SEMA3A: variants seen among roughly 807,000 people sequenced by gnomAD.
The protein encoded by SEMA3A is semaphorin 3A, also known as semaphorin-3A.
SEMA3A carries 29 observed loss-of-function variants against 97.9 expected under a neutral mutation model. The ratio of observed to expected loss-of-function variants is 0.30; its 90% CI spans 0.22 to 0.40. SEMA3A has a LOEUF of 0.40. Ranked by LOEUF, SEMA3A falls within the 10% of genes least tolerant of loss-of-function variation. The pLI, the probability that SEMA3A is intolerant of heterozygous loss-of-function variation, is 1.00. For synonymous variants in SEMA3A, 321 were observed against 323.7 expected (o/e 0.99, Z 0.09); for missense variants, 763 against 951.3 (o/e 0.80, Z 2.60).
chr7:84,356,616 T>C (rs903612425), intron 2 of SEMA3A, among the ~76,000 whole-genome samples: 8 of 151,854 alleles, frequency 5.3e-5, no homozygotes, highest in Non-Finnish European at 8.8e-5. Context: ...AGCTTTACAA[T>C]ATGCATTTTA....
chr7:84,325,415 C>T (rs777045822), intron 2 of SEMA3A, among the ~76,000 whole-genome samples: 4 of 152,020 alleles, frequency 2.6e-5, no homozygotes, highest in Non-Finnish European at 4.4e-5. Flanking sequence ...GGAAAGGTCA[C>T]ATTTGAACAA....
chr7:84,047,878 C>G (rs531937369), intron 5 of SEMA3A, among the ~76,000 whole-genome samples: 1 of 151,598 alleles, frequency 6.6e-6, no homozygotes, highest in African/African-American at 2.4e-5. Context: ...TCATAGTGGC[C>G]CACACCAAAG....
chr7:84,373,374 C>T (rs1196402734), intron 1 of SEMA3A, among the ~76,000 whole-genome samples: 2 of 152,162 alleles, frequency 1.3e-5, no homozygotes, highest in Non-Finnish European at 2.9e-5. Context: ...GTTACATGGA[C>T]ATATTTTCAA....
rs1207923883 is a variant in SEMA3A, at chr7:84,121,860, C to T, written c.333+7263G>A. 4.2e-5 allele frequency among the ~76,000 whole-genome samples: 2 copies of T among 47,440 alleles called. 1 individual carries two copies. Among genetic ancestry groups the T allele is most frequent in the African/African-American group, 1.6e-4 (2 of 12,496 alleles). 31.1% of individuals were successfully genotyped at this position (47,440 alleles called of 152,430 possible). The stretch of plus-strand genomic sequence containing the variant: ...TTCACCGTTTTAGCCGGGATGGTCT[C>T]GATCTCTTGACCTCGTGATCCGCCC... On this transcript the variant is annotated intron_variant, in intron 3 of 16. Coordinates refer to ENST00000265362, the MANE Select transcript of SEMA3A (RefSeq NM_006080.3).
intron 3 of SEMA3A, among the ~76,000 whole-genome samples, chr7:84,294,807 C>T (rs541442621): frequency 1.4e-4 from 22 of 152,120 alleles, no homozygotes; most frequent in African/African-American, 4.6e-4. Flanking sequence ...CTCATATATA[C>T]GTGTCCCCCC....
intron 3 of SEMA3A, among the ~76,000 whole-genome samples, chr7:84,288,457 G>A (rs1006833428): frequency 1.3e-5 from 2 of 152,046 alleles, no homozygotes; most frequent in African/African-American, 4.8e-5. Flanking sequence ...AGACCATTTG[G>A]GGGGCCAAGG....
intron 1 of SEMA3A, among the ~76,000 whole-genome samples, chr7:84,375,176 C>A (rs1437400113): frequency 6.6e-6 from 1 of 152,082 alleles, no homozygotes; most frequent in Non-Finnish European, 1.5e-5. Context: ...CCCGCCAACA[C>A]ATCCAGCTGA....
At chr7:84,479,258 A>C (rs1217982715) in intron 1 of SEMA3A, among the ~76,000 whole-genome samples, 1 of 152,154 alleles carries the variant, frequency 6.6e-6, no homozygotes, top group African/African-American at 2.4e-5. Context: ...TAAGTGCTTA[A>C]GGTTAAGTGC....
intron 2 of SEMA3A, among the ~76,000 whole-genome samples, chr7:84,343,071 C>A (rs906763311): frequency 2.6e-5 from 4 of 152,140 alleles, no homozygotes; most frequent in Non-Finnish European, 4.4e-5. Context: ...ACTACTGTTA[C>A]CACTAACATT....
intron 1 of SEMA3A, among the ~76,000 whole-genome samples, chr7:84,175,756 T>C (rs529631554): frequency 1.3e-5 from 2 of 152,118 alleles, no homozygotes; most frequent in South Asian, 4.1e-4. Context: ...CTGTCTGTTA[T>C]CACATCCATT....
At chr7:84,311,565 A>G (rs1801320034) in intron 2 of SEMA3A, among the ~76,000 whole-genome samples, 1 of 152,000 alleles carries the variant, frequency 6.6e-6, no homozygotes, top group African/African-American at 2.4e-5. Flanking sequence ...GATGAATGGT[A>G]AAGATTTATA....
At chr7:84,142,548 C>G (rs1354635319) in intron 1 of SEMA3A, among the ~76,000 whole-genome samples, 1 of 152,102 alleles carries the variant, frequency 6.6e-6, no homozygotes, top group Non-Finnish European at 1.5e-5. Context: ...TCCGTAAACA[C>G]TTCTAAGGAG....
chr7:84,134,582 G>A (rs1796065118), intron 2 of SEMA3A, among the ~76,000 whole-genome samples: 1 of 152,134 alleles, frequency 6.6e-6, no homozygotes, highest in African/African-American at 2.4e-5. Flanking sequence ...TTCTTATAAT[G>A]ATTACTGCAA....
chr7:84,091,056 C>A (rs905122668), intron 4 of SEMA3A, among the ~76,000 whole-genome samples: 2 of 143,268 alleles, frequency 1.4e-5, no homozygotes, highest in Admixed American at 7.6e-5. Context: ...GCCTGGGGAA[C>A]AGAGTGAGAC....
At chr7:84,043,613 A>G (rs1792229135) in intron 6 of SEMA3A, among the ~76,000 whole-genome samples, 1 of 152,120 alleles carries the variant, frequency 6.6e-6, no homozygotes, top group African/African-American at 2.4e-5. Flanking sequence ...TTATGCATGA[A>G]TGTGTAAACA....
chr7:84,062,524 C>G (rs1002537575), intron 4 of SEMA3A, among the ~76,000 whole-genome samples: 4 of 152,144 alleles, frequency 2.6e-5, no homozygotes, highest in African/African-American at 4.8e-5. Flanking sequence ...CACCTCACTA[C>G]GGAGTGCGAG....
rs16887718 is a variant in SEMA3A, at chr7:84,466,622, G to A, written c.-246+25838C>T. 0.014 allele frequency among the ~76,000 whole-genome samples: 2,123 copies of A among 152,238 alleles called. 95 individuals are homozygous for A. In the East Asian group the frequency reaches 0.16, roughly 11 times the overall value. On this transcript the variant is annotated intron_variant, in intron 1 of 3. Transcript: ENST00000424555. ...AAGCCAAAAACACAGCCTCAATTTC[G>A]TATTAGCATATAAATCTCCATCCAA... is the stretch of plus-strand genomic sequence containing the variant.
At chr7:84,042,607 T>C (rs1792175627) in intron 6 of SEMA3A, among the ~76,000 whole-genome samples, 1 of 152,038 alleles carries the variant, frequency 6.6e-6, no homozygotes, top group African/African-American at 2.4e-5. Context: ...TTGCTCAGTG[T>C]TTTTTATACA....
At chr7:84,204,298 T>C (rs1460436515) in intron 3 of SEMA3A, among the ~76,000 whole-genome samples, 1 of 152,178 alleles carries the variant, frequency 6.6e-6, no homozygotes, top group Non-Finnish European at 1.5e-5. Context: ...TTTGTAGCAA[T>C]ATAATATAAA....
Sources: gnomAD v4.1 joint callset for allele counts (sites outside exome capture counted in the v4.1 genomes callset) on GRCh38, gnomAD v4.1.1 for gene constraint, MANE v1.5 for transcripts, NCBI Gene and HGNC (gene_info 2026-07-23, HGNC 2026-07-21) for gene names.